The following PRICKLE2 variants were observed in gnomAD, a reference collection of about 807,000 sequenced individuals.
PRICKLE2 encodes the protein prickle-like protein 2.
In PRICKLE2, 21 loss-of-function variants were observed where a neutral mutation model predicts 81.4. The ratio of observed to expected loss-of-function variants is 0.26; its 90% confidence interval spans 0.18 to 0.37. The LOEUF (loss-of-function observed/expected upper bound fraction) is 0.37, where lower values mean the gene tolerates loss of function less well. Among genes scored for constraint, PRICKLE2 ranks in the 10% least tolerant of loss-of-function variants. The pLI is 1.00. For missense variants in PRICKLE2, 940 were observed against 1,109.0 expected (o/e 0.85, Z 2.16); for synonymous variants, 456 against 421.5 (o/e 1.08, Z -1.00).
At chr3:64,237,767 TATC>T (rs1346468016) in intron 2 of PRICKLE2, among the ~76,000 whole-genome samples, 6 of 152,156 alleles carry the variant, frequency 3.9e-5, no homozygotes, top group African/African-American at 1.4e-4. Flanking sequence ...CTCCTGTCCA[TATC>T]ATAAGGAGAC....
intron 7 of PRICKLE2, among the ~76,000 whole-genome samples, chr3:64,143,797 G>A (rs774953766): frequency 3.9e-5 from 6 of 152,214 alleles, no homozygotes; most frequent in Non-Finnish European, 7.3e-5. Context: ...TTCAGAGGCT[G>A]AAGTATATAT....
At chr3:64,238,968 G>A (rs547452952) in intron 2 of PRICKLE2, among the ~76,000 whole-genome samples, 3 of 152,270 alleles carry the variant, frequency 2.0e-5, no homozygotes, top group Admixed American at 1.3e-4. Context: ...GGCAGCCAGG[G>A]CAGTTTTCAG....
chr3:64,170,703 TAAAAAAAAAA>T (rs770744864), intron 2 of PRICKLE2, among the ~76,000 whole-genome samples: 1 of 113,398 alleles, frequency 8.8e-6, no homozygotes, highest in East Asian at 2.7e-4. Context: ...CTAGAAACAT[TAAAAAAAAAA>T]AAAAAAAAAA....
Position 64,128,226 on chromosome 3 carries a change from T to C in PRICKLE2, c.1660+18604A>G, listed in dbSNP as rs149208493. 3.1e-3 allele frequency among the ~76,000 whole-genome samples: 468 copies of C among 152,176 alleles called. 2 individuals are homozygous for C. Among genetic ancestry groups the C allele is most frequent in the African/African-American group, 0.01 (417 of 41,504 alleles). ...AGAGGGTGACAGGCACCCATCGCTT[T>C]CTCCACACGTGGAACAACTGAATTA... On this transcript the variant is annotated intron_variant, in intron 7 of 7. Coordinates refer to ENST00000638394, the MANE Select transcript of PRICKLE2 (RefSeq NM_198859.4).
intron 5 of PRICKLE2, among the ~76,000 whole-genome samples, chr3:64,155,456 A>G (rs2077619234): frequency 6.6e-6 from 1 of 152,122 alleles, no homozygotes; most frequent in South Asian, 2.1e-4. Context: ...AAAATGTTAT[A>G]CTTGTTTTGG....
intron 6 of PRICKLE2, among the ~76,000 whole-genome samples, chr3:64,150,370 G>C (rs1048614842): frequency 2.6e-5 from 4 of 152,068 alleles, no homozygotes; most frequent in African/African-American, 9.7e-5. Flanking sequence ...ATAGTACTTG[G>C]TAATGGAGTT....
In PRICKLE2 at chr3:64,225,017, C is replaced by A. The variant is rs561446840; in HGVS notation, c.-148G>T. On this transcript the variant is annotated 5_prime_UTR_variant, in exon 1 of 8. Coordinates refer to ENST00000638394, the MANE Select transcript of PRICKLE2 (RefSeq NM_198859.4). Reference sequence around the variant, plus strand: ...TCCCTGGATCTGACTTCTAAGAACGCAAGCAGGACCTCAGGCAGCCAAAGC... The same window carrying A: ...TCCCTGGATCTGACTTCTAAGAACGAAAGCAGGACCTCAGGCAGCCAAAGC... The A allele has an allele frequency of 3.0e-6, 3 of 985,452 alleles. No individual in the cohort carries two copies. Among genetic ancestry groups the A allele is most frequent in the Middle Eastern group, 5.2e-4 (1 of 1,916 alleles). 61.0% of individuals were successfully genotyped at this position (985,452 alleles called of 1,614,324 possible). A position where few individuals can be genotyped will look rare whatever the true frequency, so the allele number is the denominator to read the frequency against.
chr3:64,098,784 C>A lies in PRICKLE2; in HGVS notation c.*267G>T, dbSNP rs2076605672. ...CATCTTGAGAGATGGCAACTCAACA[C>A]AGAACTGATGGGAAGGAAGTGACCA... On this transcript the variant is annotated 3_prime_UTR_variant, in exon 8 of 8. Coordinates refer to ENST00000638394, the MANE Select transcript of PRICKLE2 (RefSeq NM_198859.4). The A allele has an allele frequency of 2.0e-6, 1 of 494,680 alleles. No individual in the cohort carries two copies. Among genetic ancestry groups the A allele is most frequent in the South Asian group, 2.2e-5 (1 of 46,252 alleles). The allele number at this position is 494,680 out of a possible 1,614,324, so 30.6% of individuals were successfully genotyped here.
chr3:64,141,792 C>G (rs141445355), intron 7 of PRICKLE2: 30 of 985,088 alleles, frequency 3.0e-5, no homozygotes, highest in Non-Finnish European at 3.3e-5. Context: ...AGAAAGATCA[C>G]ACTTCATGCC....
At chr3:64,263,629 G>A (rs887623175) in intron 2 of PRICKLE2, among the ~76,000 whole-genome samples, 3 of 151,322 alleles carry the variant, frequency 2.0e-5, no homozygotes, top group African/African-American at 7.2e-5. Flanking sequence ...ACTTTCTGGG[G>A]CTGTGTAGGG....
intron 5 of PRICKLE2, chr3:64,154,413 G>A (rs2077594491): frequency 6.6e-6 from 1 of 151,956 alleles, no homozygotes; most frequent in Non-Finnish European, 1.5e-5. Flanking sequence ...AGGTGTGGTG[G>A]CGGGCACCTG....
chr3:64,118,983 A>G lies in PRICKLE2; in HGVS notation c.1661-19058T>C, dbSNP rs139122153. 9.4e-4 allele frequency among the ~76,000 whole-genome samples: 143 copies of G among 152,364 alleles called. 1 individual carries two copies. Among genetic ancestry groups the G allele is most frequent in the Non-Finnish European group, 1.1e-3 (73 of 68,034 alleles). ...ATGGAATCAATCTGCATAACCATCAATGATAGACTGGATAAAGAAAATGTG... is the reference window on the plus strand; with the variant it reads ...ATGGAATCAATCTGCATAACCATCAGTGATAGACTGGATAAAGAAAATGTG... On this transcript the variant is annotated intron_variant, in intron 7 of 7. Transcript: ENST00000638394.
intron 2 of PRICKLE2, chr3:64,163,714 CAT>C (rs901347328): frequency 6.0e-6 from 1 of 165,430 alleles, no homozygotes; most frequent in African/African-American, 2.4e-5. Context: ...TTGTCACTAA[CAT>C]GAGGATTTTT....
At chr3:64,171,074 T>C (rs923528885) in intron 2 of PRICKLE2, among the ~76,000 whole-genome samples, 3 of 152,180 alleles carry the variant, frequency 2.0e-5, no homozygotes, top group South Asian at 2.1e-4. Context: ...AATGACCTCC[T>C]TGCTGTTCCT....
chr3:64,146,603 C>CA (rs148324821), intron 7 of PRICKLE2: 55,620 of 519,830 alleles, frequency 0.11, 3,282 homozygotes, highest in Admixed American at 0.16. Context: ...ATTAGCCAGG[C>CA]ATGGTGGCGG....
chr3:64,115,495 T>C (rs975844358), intron 7 of PRICKLE2, among the ~76,000 whole-genome samples: 2 of 151,962 alleles, frequency 1.3e-5, no homozygotes, highest in East Asian at 1.9e-4. Flanking sequence ...AATAAAGAGA[T>C]AGAGAAAAAC....
intron 2 of PRICKLE2, among the ~76,000 whole-genome samples, chr3:64,258,885 GAAAGAA>G (rs2079573430): frequency 7.0e-6 from 1 of 142,428 alleles, no homozygotes; most frequent in Non-Finnish European, 1.5e-5. Flanking sequence ...AAGAAAGAAA[GAAAGAA>G]AGAAATCAGG....
intron 2 of PRICKLE2, among the ~76,000 whole-genome samples, chr3:64,184,813 A>G (rs2078194274): frequency 6.6e-6 from 1 of 152,186 alleles, no homozygotes; most frequent in South Asian, 2.1e-4. Context: ...CATATTCACC[A>G]TCCAGATGAA....
At chr3:64,235,442 G>T (rs2079165428) in intron 2 of PRICKLE2, among the ~76,000 whole-genome samples, 1 of 152,016 alleles carries the variant, frequency 6.6e-6, no homozygotes, top group Non-Finnish European at 1.5e-5. Flanking sequence ...CTGTTTCTTT[G>T]CATGTCTCAA....
Sources: gnomAD v4.1 joint callset for allele counts (sites outside exome capture counted in the v4.1 genomes callset) on GRCh38, gnomAD v4.1.1 for gene constraint, MANE v1.5 for transcripts, NCBI Gene and HGNC (gene_info 2026-07-23, HGNC 2026-07-21) for gene names.